The following HOMER2 variants were observed in gnomAD, a reference collection of about 807,000 sequenced individuals.
HOMER2 encodes homer protein homolog 2.
A neutral mutation model predicts 47.0 loss-of-function variants in HOMER2; 27 were observed. The observed-to-expected ratio is 0.57, with a 90% CI of 0.42 to 0.79. The LOEUF (loss-of-function observed/expected upper bound fraction) is 0.79. Among genes scored for constraint, HOMER2 ranks in the 30% least tolerant of loss-of-function variants. The pLI is 0.00. For missense variants in HOMER2, 443 were observed against 435.0 expected (o/e 1.02, Z -0.16); for synonymous variants, 161 against 163.8 (o/e 0.98, Z 0.13).
chr15:82,856,696 C>A (rs73446926), intron 5 of HOMER2, among the ~76,000 whole-genome samples: 46 of 152,286 alleles, frequency 3.0e-4, no homozygotes, highest in African/African-American at 1.0e-3. Context: ...CAGTTCTGTC[C>A]TTTGAAGTAC....
chr15:82,854,042 G>A (rs1838969611), intron 6 of HOMER2, among the ~76,000 whole-genome samples: 2 of 152,228 alleles, frequency 1.3e-5, no homozygotes, highest in Non-Finnish European at 2.9e-5. Flanking sequence ...CACTCTGAGA[G>A]AGACAGGGCT....
At chr15:82,876,593 G>A (rs1243579534) in intron 2 of HOMER2, among the ~76,000 whole-genome samples, 1 of 152,176 alleles carries the variant, frequency 6.6e-6, no homozygotes, top group Non-Finnish European at 1.5e-5. Context: ...GTAAGGGCAG[G>A]GTAGCAATAA....
At position 82,849,488 on chromosome 15, in the gene HOMER2, G is replaced by A; in HGVS notation, c.*227C>T. On this transcript the variant is annotated 3_prime_UTR_variant, in exon 9 of 9. Coordinates refer to ENST00000450735, the MANE Select transcript of HOMER2 (RefSeq NM_004839.4). Reference sequence around the variant, plus strand: ...AAATGTTGAAGGTAGACCTAGTTCTGGATTCCTGAGTCAGAATCTTCCAGT... The same window carrying A: ...AAATGTTGAAGGTAGACCTAGTTCTAGATTCCTGAGTCAGAATCTTCCAGT... The A allele has an allele frequency of 1.8e-6, 1 of 557,814 alleles. No individual in the cohort carries two copies. The highest frequency in any genetic ancestry group is 2.5e-5 in the South Asian group (1 of 39,736). 34.6% of individuals were successfully genotyped at this position (557,814 alleles called of 1,614,324 possible). A position where few individuals can be genotyped will look rare whatever the true frequency, so the allele number is the denominator to read the frequency against.
intron 6 of HOMER2, chr15:82,852,762 C>T (rs2051439744): frequency 6.5e-6 from 1 of 152,720 alleles, no homozygotes. Context: ...GAAGCAATGA[C>T]ATTTCGAATA....
chr15:82,856,621 C>CAAAT (rs377175110), intron 5 of HOMER2, among the ~76,000 whole-genome samples: 124 of 152,120 alleles, frequency 8.2e-4, no homozygotes, highest in African/African-American at 2.4e-3. Flanking sequence ...CCTCAAAAAA[C>CAAAT]AAATAAATAA....
chr15:82,974,783 A>G (rs2030145509), intron 1 of HOMER2, among the ~76,000 whole-genome samples: 1 of 152,098 alleles, frequency 6.6e-6, no homozygotes, highest in Non-Finnish European at 1.5e-5. Flanking sequence ...AAAAGAAGAC[A>G]TACAGGCCAG....
exon 2 of HOMER2, chr15:82,836,975 G>T: frequency 6.6e-6 from 1 of 152,268 alleles, no homozygotes; most frequent in East Asian, 1.9e-4. Flanking sequence ...TTATCTTACA[G>T]TTCCATAGTC....
At chr15:82,952,168 CT>C in intron 1 of HOMER2, 1 of 463,366 alleles carries the variant, frequency 2.2e-6, no homozygotes, top group Non-Finnish European at 2.8e-6. Context: ...CGACAAACTG[CT>C]TAGACTCACA....
exon 2 of HOMER2, chr15:82,842,131 T>TA (rs1373885136): frequency 2.0e-5 from 3 of 152,064 alleles, no homozygotes; most frequent in South Asian, 2.1e-4. Flanking sequence ...GTAACCACAC[T>TA]AAAAAAATCA....
At chr15:82,882,726 T>C (rs1240603824) in intron 2 of HOMER2, among the ~76,000 whole-genome samples, 2 of 152,218 alleles carry the variant, frequency 1.3e-5, no homozygotes, top group African/African-American at 2.4e-5. Flanking sequence ...AGGAGCTGGC[T>C]GTGCCTGGCA....
chr15:82,840,526 T>A lies in HOMER2; in HGVS notation c.*6748A>T, dbSNP rs192096734. The A allele has an allele frequency of 7.2e-5, 11 of 152,274 alleles. No homozygotes were observed. The East Asian group carries it at 2.1e-3, about 29-fold the overall frequency. The allele number at this position is 152,274 out of a possible 1,614,324, so 9.4% of individuals were successfully genotyped here. A position where few individuals can be genotyped will look rare whatever the true frequency, so the allele number is the denominator to read the frequency against. ...TCTGTGTCCCAGGCATGCTCACGGC[T>A]CACTGCAGCTTCGGCCCCCAGGGCT... On this transcript the variant is annotated 3_prime_UTR_variant, in exon 2 of 2. Coordinates refer to the HOMER2 transcript ENST00000558090.
intron 1 of HOMER2, among the ~76,000 whole-genome samples, chr15:82,943,185 C>A (rs1280537210): frequency 1.1e-4 from 16 of 152,216 alleles, no homozygotes; most frequent in Admixed American, 1.0e-3. Flanking sequence ...TACACATTTT[C>A]TATTTAATCA....
intron 1 of HOMER2, among the ~76,000 whole-genome samples, chr15:82,920,143 A>T (rs12148275): frequency 7.0e-4 from 106 of 152,110 alleles, no homozygotes; most frequent in Non-Finnish European, 1.0e-3. Flanking sequence ...TCTTTTCACC[A>T]GACTCCCAGG....
intron 1 of HOMER2, among the ~76,000 whole-genome samples, chr15:82,939,238 A>G (rs2054207718): frequency 6.6e-6 from 1 of 152,198 alleles, no homozygotes; most frequent in Admixed American, 6.5e-5. Flanking sequence ...CACCACTATC[A>G]GCCGCACAGC....
chr15:82,902,359 G>A (rs978423870), intron 1 of HOMER2, among the ~76,000 whole-genome samples: 7 of 151,874 alleles, frequency 4.6e-5, no homozygotes, highest in Non-Finnish European at 8.8e-5. Context: ...CACCACGCCC[G>A]GCTAATTTTT....
intron 6 of HOMER2, among the ~76,000 whole-genome samples, chr15:82,854,283 T>C (rs1489186118): frequency 6.6e-6 from 1 of 152,046 alleles, no homozygotes; most frequent in African/African-American, 2.4e-5. Flanking sequence ...CAGGCGCCTC[T>C]AATCCCAGCT....
At chr15:82,853,697 G>T (rs1300284310) in intron 6 of HOMER2, among the ~76,000 whole-genome samples, 2 of 152,046 alleles carry the variant, frequency 1.3e-5, no homozygotes, top group Non-Finnish European at 2.9e-5. Flanking sequence ...CTCAATGGGG[G>T]GTCTCTGGCC....
At chr15:82,858,857 G>C (rs2051677837) in intron 5 of HOMER2, among the ~76,000 whole-genome samples, 172 bp downstream of exon 5, 1 of 152,166 alleles carries the variant, frequency 6.6e-6, no homozygotes, top group Non-Finnish European at 1.5e-5. Context: ...TGGTTGGCCA[G>C]AGCAGGGCCA....
At chr15:82,943,387 T>C (rs572157979) in intron 1 of HOMER2, among the ~76,000 whole-genome samples, 2 of 152,274 alleles carry the variant, frequency 1.3e-5, no homozygotes, top group African/African-American at 4.8e-5. Flanking sequence ...CTCAGTCCAC[T>C]TGGAGGAGTT....
Sources: gnomAD v4.1 joint callset for allele counts (sites outside exome capture counted in the v4.1 genomes callset) on GRCh38, gnomAD v4.1.1 for gene constraint, MANE v1.5 for transcripts, NCBI Gene and HGNC (gene_info 2026-07-23, HGNC 2026-07-21) for gene names.